FOXP1: variants seen among roughly 807,000 people sequenced by gnomAD.
FOXP1 encodes forkhead box protein P1.
FOXP1 carries 15 observed loss-of-function variants against 98.2 expected under a neutral mutation model. That is an observed-to-expected ratio of 0.15 (90% CI 0.10 to 0.24). FOXP1 has a LOEUF of 0.24. FOXP1 is among the 10% of genes least tolerant of loss of function. The probability of loss-of-function intolerance (pLI) is 1.00; values close to 1 mark genes in which losing one functional copy is unlikely to be tolerated. For missense variants in FOXP1, 633 were observed against 848.5 expected, an observed-to-expected ratio of 0.75 and a Z score of 3.15; for synonymous variants, 371 against 314.5, an observed-to-expected ratio of 1.18 and a Z score of -1.90.
intron 6 of FOXP1, among the ~76,000 whole-genome samples, chr3:71,158,697 A>T (rs2060974692): frequency 1.4e-5 from 2 of 145,266 alleles, no homozygotes; most frequent in Admixed American, 1.4e-4. Flanking sequence ...AAGTCATTTG[A>T]CCTCTGGAAT....
intron 2 of FOXP1, among the ~76,000 whole-genome samples, chr3:71,505,233 T>TG (rs905728659): frequency 3.0e-4 from 45 of 152,136 alleles, no homozygotes; most frequent in Admixed American, 2.2e-3. Flanking sequence ...CTAAAACCCT[T>TG]GGCTTCTTGC....
rs55888836 is a variant in FOXP1, at chr3:71,376,468, A to T, written c.-167-17224T>A. Among the ~76,000 whole-genome samples, 411 of 152,362 alleles carry T rather than the reference A, an allele frequency of 2.7e-3. 1 individual carries two copies. Among genetic ancestry groups the T allele is most frequent in the African/African-American group, 9.6e-3 (400 of 41,594 alleles). ...ACCAGTGATATTGGCTAGTACATTC[A>T]AAAGCAATGGTAGTATACATTGTTA... On this transcript the variant is annotated intron_variant, in intron 3 of 20. Transcript: ENST00000649528.
At chr3:71,505,327 C>A (rs1374280546) in intron 2 of FOXP1, among the ~76,000 whole-genome samples, 4 of 151,900 alleles carry the variant, frequency 2.6e-5, no homozygotes, top group Admixed American at 1.3e-4. Context: ...GACAGGACAT[C>A]TCCCCCAAGA....
intron 6 of FOXP1, among the ~76,000 whole-genome samples, chr3:71,173,271 T>C (rs1311253858): frequency 2.0e-5 from 3 of 151,960 alleles, no homozygotes; most frequent in Non-Finnish European, 4.4e-5. Flanking sequence ...TGAGACTGTC[T>C]CAACCCCAGT....
At chr3:71,520,594 A>C (rs765409531) in intron 2 of FOXP1, among the ~76,000 whole-genome samples, 1 of 152,226 alleles carries the variant, frequency 6.6e-6, no homozygotes, top group Non-Finnish European at 1.5e-5. Context: ...GTTGCCCTAA[A>C]AATGTCAGCG....
At chr3:71,484,348 T>C (rs2090503125) in intron 3 of FOXP1, among the ~76,000 whole-genome samples, 1 of 152,198 alleles carries the variant, frequency 6.6e-6, no homozygotes, top group Non-Finnish European at 1.5e-5. Flanking sequence ...AAAACTCTAA[T>C]ACTTATTTTT....
chr3:71,175,617 T>C (rs2061897438), intron 6 of FOXP1, among the ~76,000 whole-genome samples: 1 of 152,186 alleles, frequency 6.6e-6, no homozygotes, highest in Non-Finnish European at 1.5e-5. Context: ...CCAACTAAGA[T>C]GTTAGTGATT....
chr3:71,232,853 G>A (rs759368964), intron 5 of FOXP1, among the ~76,000 whole-genome samples: 18 of 88,094 alleles, frequency 2.0e-4, no homozygotes, highest in Non-Finnish European at 3.0e-4. Flanking sequence ...AGCTGAGATC[G>A]TGCCACAGAG....
intron 3 of FOXP1, among the ~76,000 whole-genome samples, chr3:71,455,644 C>T (rs2087411543): frequency 2.0e-5 from 3 of 152,138 alleles, no homozygotes; most frequent in Admixed American, 1.3e-4. Flanking sequence ...ACCTCTCCCA[C>T]GTCATGCTCT....
intron 3 of FOXP1, among the ~76,000 whole-genome samples, chr3:71,430,304 T>C (rs1002997361): frequency 6.6e-6 from 1 of 152,144 alleles, no homozygotes; most frequent in African/African-American, 2.4e-5. Flanking sequence ...CACAGTAAAA[T>C]GAGCAGGCGC....
chr3:71,361,995 G>A (rs533477308), intron 3 of FOXP1, among the ~76,000 whole-genome samples: 5 of 152,246 alleles, frequency 3.3e-5, no homozygotes, highest in African/African-American at 1.2e-4. Context: ...GACAGGTAGT[G>A]GGAAATGTCA....
chr3:71,574,322 G>A (rs1014456525), intron 2 of FOXP1: 4 of 152,078 alleles, frequency 2.6e-5, no homozygotes, highest in African/African-American at 4.8e-5. Flanking sequence ...CATTATTACC[G>A]GGTAACTTCA....
chr3:71,531,250 G>C (rs1309151898), intron 2 of FOXP1, among the ~76,000 whole-genome samples: 1 of 152,252 alleles, frequency 6.6e-6, no homozygotes, highest in African/African-American at 2.4e-5. Flanking sequence ...ACCCTGATGA[G>C]ATGGGATTTA....
chr3:71,145,167 G>A (rs190292723), intron 6 of FOXP1, among the ~76,000 whole-genome samples: 7 of 152,194 alleles, frequency 4.6e-5, no homozygotes, highest in Non-Finnish European at 7.4e-5. Context: ...GTGAACATAC[G>A]TCCTCACTTC....
At chr3:71,355,246 T>C (rs1452380495) in intron 4 of FOXP1, among the ~76,000 whole-genome samples, 2 of 152,156 alleles carry the variant, frequency 1.3e-5, no homozygotes, top group African/African-American at 4.8e-5. Context: ...ATTCAACAAA[T>C]ACCGACTGCA....
intron 4 of FOXP1, chr3:71,302,926 C>A (rs2107577332): frequency 6.6e-6 from 1 of 152,274 alleles, no homozygotes; most frequent in South Asian, 2.1e-4. Flanking sequence ...CTAATTAGGA[C>A]TGTTATTCTA....
chr3:71,084,728 A>AT (rs1393212162), intron 7 of FOXP1, among the ~76,000 whole-genome samples: 2 of 152,162 alleles, frequency 1.3e-5, no homozygotes, highest in Non-Finnish European at 2.9e-5. Context: ...AAATAAAATG[A>AT]TTTTTTAAAA....
chr3:71,115,455 GCC>G (rs2058301681), intron 6 of FOXP1, among the ~76,000 whole-genome samples: 1 of 151,792 alleles, frequency 6.6e-6, no homozygotes, highest in East Asian at 1.9e-4. Flanking sequence ...TCCTGCCTCA[GCC>G]TCCTGAGTAG....
chr3:71,292,981 A>G (rs12485826), intron 5 of FOXP1, among the ~76,000 whole-genome samples: 11,630 of 152,272 alleles, frequency 0.076, 485 homozygotes, highest in Non-Finnish European at 0.1. Flanking sequence ...TACAGCTTCA[A>G]CTTTTAAATG....
Sources: gnomAD v4.1 joint callset for allele counts (sites outside exome capture counted in the v4.1 genomes callset) on GRCh38, gnomAD v4.1.1 for gene constraint, MANE v1.5 for transcripts, NCBI Gene and HGNC (gene_info 2026-07-23, HGNC 2026-07-21) for gene names.